SYT1: variants seen among roughly 807,000 people sequenced by gnomAD.
The protein encoded by SYT1 is synaptotagmin 1, also known as synaptotagmin-1.
A neutral mutation model predicts 44.8 loss-of-function variants in SYT1; 8 were observed. The observed-to-expected ratio is 0.18, with a 90% CI of 0.10 to 0.32. The LOEUF is 0.32. SYT1 is among the 10% of genes least tolerant of loss of function. The pLI is 1.00. For synonymous variants in SYT1, 154 were observed against 188.8 expected, an observed-to-expected ratio of 0.82 and a Z score of 1.51; for missense variants, 286 against 509.3, an observed-to-expected ratio of 0.56 and a Z score of 4.22.
chr12:79,268,080 G>A (rs1044810361), intron 4 of SYT1, among the ~76,000 whole-genome samples: 1 of 152,154 alleles, frequency 6.6e-6, no homozygotes, highest in African/African-American at 2.4e-5. Context: ...ATTCAGTAGG[G>A]ACTGTGAATT....
chr12:78,919,560 T>C (rs1876865308), intron 1 of SYT1, among the ~76,000 whole-genome samples: 1 of 152,088 alleles, frequency 6.6e-6, no homozygotes, highest in Non-Finnish European at 1.5e-5. Flanking sequence ...TGGTGTAGTA[T>C]ATATGCAGTA....
At chr12:79,243,776 C>T (rs1428129096) in intron 4 of SYT1, among the ~76,000 whole-genome samples, 1 of 147,334 alleles carries the variant, frequency 6.8e-6, no homozygotes, top group Non-Finnish European at 1.5e-5. Flanking sequence ...GGTAACATTA[C>T]AAATTTACTT....
At chr12:79,113,194 A>G (rs903000658) in intron 3 of SYT1, among the ~76,000 whole-genome samples, 8 of 152,126 alleles carry the variant, frequency 5.3e-5, no homozygotes, top group Admixed American at 1.3e-4. Flanking sequence ...GTCCATTTTA[A>G]TGGTGTCAAT....
At chr12:78,990,685 T>C (rs1364587709) in intron 2 of SYT1, among the ~76,000 whole-genome samples, 2 of 152,216 alleles carry the variant, frequency 1.3e-5, no homozygotes, top group Non-Finnish European at 2.9e-5. Context: ...ACATATCTTA[T>C]GTTTGTGTCT....
At chr12:79,028,134 AT>A (rs1239396149) in intron 2 of SYT1, among the ~76,000 whole-genome samples, 1 of 151,486 alleles carries the variant, frequency 6.6e-6, no homozygotes, top group African/African-American at 2.4e-5. Flanking sequence ...TCTCAAAGGT[AT>A]TTCTATGGTG....
chr12:78,968,322 A>G (rs1285205502), intron 1 of SYT1, among the ~76,000 whole-genome samples: 2 of 152,074 alleles, frequency 1.3e-5, no homozygotes, highest in African/African-American at 4.8e-5. Flanking sequence ...TTGAATGTAC[A>G]TGTAGTTTTA....
rs538931523 is a variant in SYT1, at chr12:79,423,185, C to T, written c.929-20888C>T. Among the ~76,000 whole-genome samples, 19 of 152,204 alleles carry T rather than the reference C, an allele frequency of 1.2e-4. No homozygotes were observed. In the South Asian group the frequency reaches 2.5e-3, roughly 20 times the overall value. Reference sequence around the variant, plus strand: ...AGCATTGTATGTGTGTGTGTCTGTGCGCCCACACATGTGTGCACACGTGCA... The same window carrying T: ...AGCATTGTATGTGTGTGTGTCTGTGTGCCCACACATGTGTGCACACGTGCA... On this transcript the variant is annotated intron_variant, in intron 9 of 10. Transcript: ENST00000261205.
intron 2 of SYT1, among the ~76,000 whole-genome samples, chr12:79,017,703 A>G (rs963136797): frequency 3.4e-4 from 51 of 152,104 alleles, no homozygotes; most frequent in African/African-American, 1.2e-3. Flanking sequence ...AAGGTCCTGC[A>G]TGCTCTGCTA....
At chr12:78,965,809 T>C (rs1202257385) in intron 1 of SYT1, among the ~76,000 whole-genome samples, 1 of 152,144 alleles carries the variant, frequency 6.6e-6, no homozygotes, top group Non-Finnish European at 1.5e-5. Context: ...CTTGGTGCAG[T>C]GGCTCACACC....
At chr12:79,281,042 CT>C (rs757922591) in intron 4 of SYT1, among the ~76,000 whole-genome samples, 8 of 151,432 alleles carry the variant, frequency 5.3e-5, no homozygotes, top group Non-Finnish European at 1.0e-4. Flanking sequence ...CTCTTACTCA[CT>C]GTTGATGTAT....
At chr12:78,931,203 G>A (rs949663907) in intron 1 of SYT1, among the ~76,000 whole-genome samples, 3 of 39,002 alleles carry the variant, frequency 7.7e-5, no homozygotes, top group African/African-American at 4.3e-4. Context: ...AAGAAAGAAA[G>A]AAAGAAAGAA....
intron 1 of SYT1, among the ~76,000 whole-genome samples, chr12:78,931,245 AGG>A (rs1877674595): frequency 2.6e-5 from 1 of 39,130 alleles, no homozygotes; most frequent in African/African-American, 1.0e-4. Context: ...GAAAGAAGGA[AGG>A]AAGGAAGGAA....
chr12:78,945,651 T>C (rs998695208), intron 1 of SYT1, among the ~76,000 whole-genome samples: 2 of 152,244 alleles, frequency 1.3e-5, no homozygotes, highest in Admixed American at 6.5e-5. Context: ...TTGGTGCTAA[T>C]TTAGTCAAAT....
intron 3 of SYT1, among the ~76,000 whole-genome samples, chr12:79,063,774 A>G (rs1875557574): frequency 6.6e-6 from 1 of 152,166 alleles, no homozygotes; most frequent in African/African-American, 2.4e-5. Context: ...TAAAACAAAT[A>G]CAGTAACAGG....
At chr12:79,186,442 A>C (rs1247133342) in intron 3 of SYT1, among the ~76,000 whole-genome samples, 1 of 152,040 alleles carries the variant, frequency 6.6e-6, no homozygotes, top group Non-Finnish European at 1.5e-5. Context: ...TCCTTTGCCC[A>C]TAACTTTTTA....
rs184423831 is a variant in SYT1, at chr12:79,268,537, G to T, written c.167-17250G>T. On this transcript the variant is annotated intron_variant, in intron 4 of 10. Coordinates refer to ENST00000261205, the MANE Select transcript of SYT1 (RefSeq NM_005639.3). ...TGAATGAGTGAATGAATGAATGAAT[G>T]AGTCTCTCTTCTAGATTACTGTTAA... 7.6e-4 allele frequency among the ~76,000 whole-genome samples: 116 copies of T among 152,298 alleles called. No homozygotes were observed. The South Asian group carries it at 0.016, about 21-fold the overall frequency.
At chr12:79,358,495 A>G (rs527494125) in intron 9 of SYT1, among the ~76,000 whole-genome samples, 1 of 152,282 alleles carries the variant, frequency 6.6e-6, no homozygotes, top group East Asian at 1.9e-4. Flanking sequence ...CAGTGAGAAA[A>G]TTGAAGCTTA....
intron 4 of SYT1, among the ~76,000 whole-genome samples, chr12:79,282,427 T>A (rs1279420100): frequency 6.6e-6 from 1 of 152,226 alleles, no homozygotes; most frequent in Non-Finnish European, 1.5e-5. Context: ...ATAGAGTTTT[T>A]ATACTAGTCA....
At chr12:78,940,039 T>C (rs192554774) in intron 1 of SYT1, among the ~76,000 whole-genome samples, 38 of 152,312 alleles carry the variant, frequency 2.5e-4, no homozygotes, top group African/African-American at 9.1e-4. Flanking sequence ...TACATAACTC[T>C]ATAGTAAAAA....
Sources: allele counts gnomAD v4.1 joint callset (sites outside exome capture counted in the v4.1 genomes callset), GRCh38; gene constraint gnomAD v4.1.1; transcripts MANE v1.5; gene names NCBI Gene and HGNC (gene_info 2026-07-23, HGNC 2026-07-21).